DMD: variants seen among roughly 807,000 people sequenced by gnomAD.
DMD encodes dystrophin, also known as mutant dystrophin.
DMD carries 63 observed loss-of-function variants against 330.1 expected under a neutral mutation model. That is an observed-to-expected ratio of 0.19 (90% CI 0.16 to 0.24). DMD has a LOEUF of 0.24. DMD is among the 10% of genes least tolerant of loss of function. The pLI is 1.00. For missense variants in DMD, 3,344 were observed against 2,684.1 expected (o/e 1.25, Z -5.43); for synonymous variants, 1,223 against 959.8 (o/e 1.27, Z -5.07).
At chrX:32,747,649 C>T (rs1026252853) in intron 7 of DMD, among the ~76,000 whole-genome samples, 67 of 103,185 alleles carry the variant, frequency 6.5e-4, no homozygotes, top group African/African-American at 2.5e-3. Flanking sequence ...TACCACACCT[C>T]GCTAATTTTT....
chrX:33,087,396 G>A (rs907748977), intron 1 of DMD, among the ~76,000 whole-genome samples: 1 of 112,085 alleles, frequency 8.9e-6, no homozygotes, highest in Non-Finnish European at 1.9e-5. Flanking sequence ...CCAATTGTGA[G>A]AACTTAAAAT....
intron 44 of DMD, among the ~76,000 whole-genome samples, chrX:32,102,462 A>G (rs1286477473): frequency 1.8e-5 from 2 of 111,650 alleles, no homozygotes; most frequent in African/African-American, 3.3e-5. Context: ...CTTTACTTAA[A>G]TAAGTCATTT....
intron 50 of DMD, among the ~76,000 whole-genome samples, chrX:31,776,786 A>G (rs2090693682): frequency 8.9e-6 from 1 of 112,224 alleles, no homozygotes; most frequent in Non-Finnish European, 1.9e-5. Flanking sequence ...AGAATGGTTC[A>G]TGATGACTAA....
intron 2 of DMD, among the ~76,000 whole-genome samples, chrX:32,853,529 T>C (rs2081297309): frequency 1.8e-5 from 2 of 110,656 alleles, no homozygotes; most frequent in Non-Finnish European, 1.9e-5. Context: ...TTTGAAATAA[T>C]GGGTTATAGT....
intron 52 of DMD, among the ~76,000 whole-genome samples, chrX:31,687,847 T>C (rs1603447356): frequency 8.9e-6 from 1 of 111,814 alleles, no homozygotes; most frequent in Non-Finnish European, 1.9e-5. Flanking sequence ...AGTTTGATTA[T>C]TGCATGCCTT....
chrX:31,214,978 G>A (rs1280463512), intron 64 of DMD, among the ~76,000 whole-genome samples: 2 of 62,662 alleles, frequency 3.2e-5, no homozygotes, highest in Non-Finnish European at 5.3e-5. Flanking sequence ...GTCTTGCTCT[G>A]TCACCCAGGC....
intron 1 of DMD, among the ~76,000 whole-genome samples, chrX:33,134,818 C>G (rs1358363336): frequency 8.9e-6 from 1 of 112,051 alleles, no homozygotes; most frequent in Non-Finnish European, 1.9e-5. Flanking sequence ...TAATTTATAA[C>G]TGGGACTGTA....
intron 2 of DMD, among the ~76,000 whole-genome samples, chrX:32,944,607 ATT>A (rs3083092): frequency 0.025 from 2,418 of 96,480 alleles, 45 homozygotes; most frequent in South Asian, 0.11. Flanking sequence ...CTTTTAGTAG[ATT>A]TTTTTTTTTT....
chrX:32,988,586 A>G (rs2092905375), intron 2 of DMD, among the ~76,000 whole-genome samples: 1 of 112,210 alleles, frequency 8.9e-6, no homozygotes, highest in African/African-American at 3.2e-5. Flanking sequence ...AAATCATTTT[A>G]TAGTTTGGAT....
chrX:32,664,291 G>C (rs112182385), intron 9 of DMD, among the ~76,000 whole-genome samples: 331 of 102,084 alleles, frequency 3.2e-3, no homozygotes, highest in African/African-American at 0.011. Context: ...ACCCAGGCTG[G>C]AGTGCAGTAG....
At chrX:32,215,256 A>C (rs1182757327) in intron 44 of DMD, among the ~76,000 whole-genome samples, 1 of 111,570 alleles carries the variant, frequency 9.0e-6, no homozygotes, top group East Asian at 2.8e-4. Context: ...GGAGCCTAAT[A>C]AATGTACAAT....
chrX:31,293,588 TTA>T (rs2053939731), intron 62 of DMD, among the ~76,000 whole-genome samples: 1 of 111,234 alleles, frequency 9.0e-6, no homozygotes, highest in Non-Finnish European at 1.9e-5. Flanking sequence ...GTTAAAATTG[TTA>T]TGTCACAGCC....
chrX:33,092,977 G>A (rs1288288739), intron 1 of DMD, among the ~76,000 whole-genome samples: 2 of 111,026 alleles, frequency 1.8e-5, no homozygotes, highest in Admixed American at 9.7e-5. Context: ...GGGTTCAAGC[G>A]ATTCTCCAGC....
chrX:32,332,413 AGTGT>A (rs111973319), intron 41 of DMD, among the ~76,000 whole-genome samples: 39 of 95,338 alleles, frequency 4.1e-4, no homozygotes, highest in South Asian at 1.1e-3. Flanking sequence ...ATGGATAAAA[AGTGT>A]GTGTGTGTGT....
chrX:31,442,200 C>T (rs1011454549), intron 60 of DMD, among the ~76,000 whole-genome samples: 8 of 111,942 alleles, frequency 7.1e-5, no homozygotes, highest in Non-Finnish European at 1.3e-4. Context: ...GTATCTCCCC[C>T]AGATATCTAG....
chrX:32,205,035 A>ACACCCACC (rs2097060655), intron 44 of DMD, among the ~76,000 whole-genome samples: 2 of 86,447 alleles, frequency 2.3e-5, no homozygotes, highest in East Asian at 6.8e-4. Flanking sequence ...ACACACACAC[A>ACACCCACC]CACACACCCA....
chrX:32,572,311 T>A (rs1490484543), intron 15 of DMD, among the ~76,000 whole-genome samples: 1 of 111,563 alleles, frequency 9.0e-6, no homozygotes, highest in African/African-American at 3.3e-5. Flanking sequence ...TTTACTTAAG[T>A]TTAGAAATTA....
At chrX:32,618,846 T>A (rs1050273236) in intron 11 of DMD, among the ~76,000 whole-genome samples, 8 of 110,838 alleles carry the variant, frequency 7.2e-5, no homozygotes, top group Non-Finnish European at 1.3e-4. Context: ...AAAGAAAACC[T>A]TTACACACTG....
chrX:32,430,698 A>C (rs1336423237), intron 29 of DMD, among the ~76,000 whole-genome samples: 1 of 111,598 alleles, frequency 9.0e-6, no homozygotes, highest in Non-Finnish European at 1.9e-5. Context: ...CCTTTTACAA[A>C]TATCTCTCCA....
Sources: allele counts gnomAD v4.1 joint callset (sites outside exome capture counted in the v4.1 genomes callset), GRCh38; gene constraint gnomAD v4.1.1; transcripts MANE v1.5; gene names NCBI Gene and HGNC (gene_info 2026-07-23, HGNC 2026-07-21).